Variants in TMEM255B observed in about 807,000 individuals in gnomAD.
The protein encoded by TMEM255B is family with sequence similarity 70, member B.
In TMEM255B, 35 loss-of-function variants were observed where a neutral mutation model predicts 34.5. The ratio of observed to expected loss-of-function variants is 1.01; its 90% confidence interval spans 0.77 to 1.34. TMEM255B has a LOEUF of 1.34. Ranked by LOEUF, TMEM255B falls within the 40% of genes most tolerant of loss-of-function variation. The pLI is 0.00. For missense variants in TMEM255B, 432 were observed against 433.2 expected (o/e 1.00, Z 0.02); for synonymous variants, 206 against 201.2 (o/e 1.02, Z -0.20).
rs1347150761 is a variant in TMEM255B at position 113,801,634 on chromosome 13, T to C, written c.510-19T>C. ...TCACTTGCCTCGTGCGGTGACGCCA[T>C]GGTGCCCTCTCTGTGCAGCGCAGAG... is the stretch of plus-strand genomic sequence containing the variant. On this transcript the variant is annotated intron_variant, in intron 6 of 8. Coordinates refer to ENST00000375353, the MANE Select transcript of TMEM255B (RefSeq NM_182614.4). 2 of 1,575,508 alleles carry C rather than the reference T, an allele frequency of 1.3e-6. No individual in the cohort carries two copies. The highest frequency in any genetic ancestry group is 1.4e-5 in the African/African-American group (1 of 73,858).
chr13:113,811,689 C>T (rs1308643185), intron 8 of TMEM255B, 47 bp from the exon 9 acceptor site: 13 of 1,607,970 alleles, frequency 8.1e-6, no homozygotes, highest in South Asian at 3.3e-5. Context: ...TGGTCCGGCA[C>T]GGGGTGGTCT....
chr13:113,809,691 G>A lies in TMEM255B; in HGVS notation c.814-2045G>A, dbSNP rs139427324. Among the ~76,000 whole-genome samples, 329 of 151,988 alleles carry A rather than the reference G, an allele frequency of 2.2e-3. 1 individual carries two copies. Among genetic ancestry groups the A allele is most frequent in the African/African-American group, 7.7e-3 (317 of 41,410 alleles). On this transcript the variant is annotated intron_variant, in intron 8 of 8. Coordinates refer to ENST00000375353, the MANE Select transcript of TMEM255B (RefSeq NM_182614.4). Reference sequence around the variant, plus strand: ...TCCGTGGTTCCTGGGGGTTTACTCCGTGGTTCCTGAGTTTTACTCCATGGT... The same window carrying A: ...TCCGTGGTTCCTGGGGGTTTACTCCATGGTTCCTGAGTTTTACTCCATGGT...
At chr13:113,761,345 C>T in intron 1 of TMEM255B, 1 of 985,332 alleles carries the variant, frequency 1.0e-6, no homozygotes, top group Non-Finnish European at 1.2e-6. Flanking sequence ...GCGTGTCTTC[C>T]AGGTAGGACC....
chr13:113,810,912 T>G (rs1300651705), intron 8 of TMEM255B, among the ~76,000 whole-genome samples: 1 of 152,116 alleles, frequency 6.6e-6, no homozygotes, highest in South Asian at 2.1e-4. Flanking sequence ...TATGAAGAGT[T>G]GGGTGAGCCC....
intron 3 of TMEM255B, among the ~76,000 whole-genome samples, chr13:113,792,879 C>T (rs113800734): frequency 5.6e-4 from 86 of 152,364 alleles, no homozygotes; most frequent in African/African-American, 1.8e-3. Context: ...ATGCCAGAAA[C>T]GTGAGACGCG....
At chr13:113,782,678 G>T (rs61275480) in intron 3 of TMEM255B, among the ~76,000 whole-genome samples, 24 of 151,428 alleles carry the variant, frequency 1.6e-4, no homozygotes, top group East Asian at 9.8e-4. Flanking sequence ...TGGTCGGAGG[G>T]GGGGGCTTCA....
chr13:113,798,792 G>A (rs1316936417), intron 4 of TMEM255B, among the ~76,000 whole-genome samples: 1 of 152,112 alleles, frequency 6.6e-6, no homozygotes, highest in Non-Finnish European at 1.5e-5. Flanking sequence ...GATGGATGAT[G>A]GATGCATTAT....
At position 113,762,105 on chromosome 13, in the gene TMEM255B, GA is replaced by G. The variant is rs11290901; in HGVS notation, c.46+2803del. On this transcript the variant is annotated intron_variant, in intron 1 of 8. Coordinates refer to ENST00000375353, the MANE Select transcript of TMEM255B (RefSeq NM_182614.4). ...TGTAATAACAGTATTTCCGGGACAG[GA>G]AAAAAAAAAAAATCAAGGAAATTAT... Among the ~76,000 whole-genome samples the G allele has an allele frequency of 1.9e-3, 280 of 147,672 alleles. 1 individual carries two copies. The highest frequency in any genetic ancestry group is 4.9e-3 in the East Asian group (25 of 5,094).
At position 113,766,398 on chromosome 13, in the gene TMEM255B, G is replaced by C. The variant is rs573340251; in HGVS notation, c.189+141G>C. 14 of 1,212,526 alleles carry C rather than the reference G, an allele frequency of 1.2e-5. No individual in the cohort carries two copies. The African/African-American group carries it at 1.9e-4, about 17-fold the overall frequency. 75.1% of individuals were successfully genotyped at this position (1,212,526 alleles called of 1,614,324 possible). ...CAGTGCTTGTGGTCGGCAGGGTTATGGCCCCCACAGACATGCACTTCCCAA... is the reference window on the plus strand; with the variant it reads ...CAGTGCTTGTGGTCGGCAGGGTTATCGCCCCCACAGACATGCACTTCCCAA... On this transcript the variant is annotated intron_variant, in intron 2 of 8. Transcript: ENST00000375353.
At chr13:113,811,696 G>T in intron 8 of TMEM255B, 40 bp from the exon 9 acceptor site, 1 of 1,611,106 alleles carries the variant, frequency 6.2e-7, no homozygotes, top group Non-Finnish European at 8.5e-7. Context: ...GCACGGGGTG[G>T]TCTCACCTGC....
chr13:113,808,812 GTTTCCTGGGGGT>G (rs2051240046), intron 8 of TMEM255B, among the ~76,000 whole-genome samples: 1 of 98,272 alleles, frequency 1.0e-5, no homozygotes, highest in African/African-American at 4.2e-5. Context: ...GTTACTCCAT[GTTTCCTGGGGGT>G]TTACTCCGTG....
At chr13:113,798,667 AATGG>A (rs1294706801) in intron 4 of TMEM255B, among the ~76,000 whole-genome samples, 2 of 140,304 alleles carry the variant, frequency 1.4e-5, no homozygotes, top group African/African-American at 2.7e-5. Context: ...AAGGATGGAT[AATGG>A]ATGGATGATG....
chr13:113,801,884 C>T (rs2051072549), intron 7 of TMEM255B, 72 bp downstream of exon 7: 1 of 1,457,448 alleles, frequency 6.9e-7, no homozygotes, highest in Admixed American at 2.5e-5. Flanking sequence ...CCGGGGTGGG[C>T]TGGGGGGCCT....
At chr13:113,766,088 G>C in intron 1 of TMEM255B, 27 bp from the exon 2 acceptor site, 1 of 1,613,034 alleles carries the variant, frequency 6.2e-7, no homozygotes, top group South Asian at 1.1e-5. Context: ...AGCCCTCACT[G>C]ACAGGTCCTC....
At chr13:113,761,110 A>C in intron 1 of TMEM255B, 6 of 871,386 alleles carry the variant, frequency 6.9e-6, no homozygotes, top group Non-Finnish European at 6.9e-6. Context: ...GAGTGATTAC[A>C]GTTTTACCTG....
At chr13:113,787,084 A>C in intron 3 of TMEM255B, among the ~76,000 whole-genome samples, 1 of 151,720 alleles carries the variant, frequency 6.6e-6, no homozygotes, top group Non-Finnish European at 1.5e-5. Context: ...TGAACAGAAC[A>C]TGTGAAAATA....
chr13:113,774,738 C>G (rs946059760), intron 3 of TMEM255B, among the ~76,000 whole-genome samples: 4 of 116,452 alleles, frequency 3.4e-5, no homozygotes, highest in African/African-American at 5.9e-5. Flanking sequence ...ACACACGACA[C>G]CACACACACT....
rs1324982435 is a variant in TMEM255B at position 113,815,648 on chromosome 13, T to C, written c.*3745T>C. The stretch of plus-strand genomic sequence containing the variant: ...CTCCTGCCGTGTAAGAAGTGCCTTT[T>C]GCCTCCCACCGTGATTCTGAGGCCT... On this transcript the variant is annotated 3_prime_UTR_variant, in exon 9 of 9. Transcript: ENST00000375353. 2 of 153,598 alleles carry C rather than the reference T, an allele frequency of 1.3e-5. No individual in the cohort carries two copies. The highest frequency in any genetic ancestry group is 3.8e-4 in the East Asian group (2 of 5,228). 9.5% of individuals were successfully genotyped at this position (153,598 alleles called of 1,614,324 possible).
intron 3 of TMEM255B, among the ~76,000 whole-genome samples, chr13:113,785,942 G>A (rs1377138446): frequency 5.3e-5 from 8 of 152,178 alleles, no homozygotes; most frequent in Admixed American, 2.0e-4. Flanking sequence ...GGGCCAGACC[G>A]TTTGATTCCT....
Sources: gnomAD v4.1 joint callset for allele counts (sites outside exome capture counted in the v4.1 genomes callset) on GRCh38, gnomAD v4.1.1 for gene constraint, MANE v1.5 for transcripts, NCBI Gene and HGNC (gene_info 2026-07-23, HGNC 2026-07-21) for gene names.